Variants in RP1 observed in about 807,000 individuals in gnomAD.
RP1 encodes the protein oxygen-regulated protein 1.
Under a neutral mutation model 14.8 loss-of-function variants are expected in RP1, and 16 were observed. That is an observed-to-expected ratio of 1.08 (90% CI 0.73 to 1.65). The LOEUF (loss-of-function observed/expected upper bound fraction) is 1.65. RP1 is among the 40% of genes most tolerant of loss of function. The pLI is 0.00. For synonymous variants in RP1, 876 were observed against 883.6 expected, an observed-to-expected ratio of 0.99 and a Z score of 0.15; for missense variants, 2,631 against 2,535.0, an observed-to-expected ratio of 1.04 and a Z score of -0.81.
At chr8:54,802,438 C>T (rs576717438) in intron 24 of RP1, among the ~76,000 whole-genome samples, 2 of 151,974 alleles carry the variant, frequency 1.3e-5, no homozygotes, top group Non-Finnish European at 2.9e-5. Flanking sequence ...GAGGATAAAA[C>T]AAAACAAAAT....
At chr8:54,672,990 T>G (rs986979187) in intron 7 of RP1, among the ~76,000 whole-genome samples, 4 of 152,208 alleles carry the variant, frequency 2.6e-5, no homozygotes, top group Non-Finnish European at 5.9e-5. Flanking sequence ...TGTTATCCAT[T>G]AATTTGTACC....
At chr8:54,646,528 A>C (rs1250026736) in intron 3 of RP1, among the ~76,000 whole-genome samples, 1 of 152,170 alleles carries the variant, frequency 6.6e-6, no homozygotes, top group Admixed American at 6.6e-5. Flanking sequence ...GTAATGACCC[A>C]ATGACTTGTT....
chr8:54,604,326 A>G (rs896130362), intron 1 of RP1, among the ~76,000 whole-genome samples: 1 of 152,124 alleles, frequency 6.6e-6, no homozygotes, highest in African/African-American at 2.4e-5. Flanking sequence ...TTCTGTTTAT[A>G]TGCTGGATTA....
intron 25 of RP1, among the ~76,000 whole-genome samples, chr8:54,847,447 T>G (rs942631060): frequency 5.9e-5 from 9 of 152,184 alleles, no homozygotes; most frequent in Middle Eastern, 3.2e-3. Flanking sequence ...TCCTGATATG[T>G]TTGCCAGAAT....
At chr8:54,632,046 T>C, downstream of RP1, among the ~76,000 whole-genome samples, 1 of 152,062 alleles carries the variant, frequency 6.6e-6, no homozygotes, top group East Asian at 1.9e-4. Context: ...TTCTCCATGT[T>C]GGTTAGGCTG....
chr8:54,601,572 T>TAA (rs11399535), intron 1 of RP1, among the ~76,000 whole-genome samples: 48 of 109,990 alleles, frequency 4.4e-4, no homozygotes, highest in South Asian at 8.6e-4. Flanking sequence ...TAAAGTATAA[T>TAA]AAAAAAAAAC....
At chr8:54,775,067 T>C (rs1810000307) in intron 23 of RP1, among the ~76,000 whole-genome samples, 1 of 151,142 alleles carries the variant, frequency 6.6e-6, no homozygotes, top group Non-Finnish European at 1.5e-5. Flanking sequence ...CACCTAGTTG[T>C]GATGACAAAA....
At chr8:54,859,901 C>G (rs1349592109) in intron 27 of RP1, among the ~76,000 whole-genome samples, 1 of 152,092 alleles carries the variant, frequency 6.6e-6, no homozygotes, top group Non-Finnish European at 1.5e-5. Context: ...AGTAGAACCC[C>G]CAGACTCTTG....
At chr8:54,680,057 G>A in intron 12 of RP1, 1 of 1,254,762 alleles carries the variant, frequency 8.0e-7, no homozygotes, top group Non-Finnish European at 1.0e-6. Flanking sequence ...CAAGTGTTAG[G>A]CCATTTAAAT....
intron 16 of RP1, among the ~76,000 whole-genome samples, chr8:54,722,564 G>C (rs1020152194): frequency 3.3e-5 from 5 of 152,090 alleles, no homozygotes; most frequent in African/African-American, 1.2e-4. Context: ...ATCTACATAT[G>C]ATAGATTGAG....
chr8:54,708,343 G>A (rs1467262709), intron 15 of RP1, among the ~76,000 whole-genome samples: 1 of 146,186 alleles, frequency 6.8e-6, no homozygotes, highest in African/African-American at 2.6e-5. Context: ...TAGCTGAATG[G>A]TGATTTCTGG....
chr8:54,679,996 T>C, intron 12 of RP1: 9 of 1,488,182 alleles, frequency 6.0e-6, no homozygotes, highest in South Asian at 5.3e-5. Flanking sequence ...AAGGTAGATT[T>C]CTAGACACAG....
At chr8:54,768,072 C>G (rs1398858474) in intron 22 of RP1, among the ~76,000 whole-genome samples, 2 of 152,190 alleles carry the variant, frequency 1.3e-5, no homozygotes, top group African/African-American at 4.8e-5. Context: ...TTGTCAGATC[C>G]TTGAGTAACC....
intron 1 of RP1, among the ~76,000 whole-genome samples, chr8:54,602,118 G>T (rs1417170410): frequency 1.3e-5 from 2 of 152,178 alleles, no homozygotes; most frequent in Non-Finnish European, 2.9e-5. Context: ...CATGTGCCAT[G>T]TTGGTGTGCT....
chr8:54,603,728 T>C (rs1406080566), intron 1 of RP1, among the ~76,000 whole-genome samples: 1 of 152,214 alleles, frequency 6.6e-6, no homozygotes. Context: ...CAGTGGTTTG[T>C]AGTTCTCCTT....
chr8:54,565,900 T>C (rs896340684), intron 1 of RP1, among the ~76,000 whole-genome samples: 1 of 152,194 alleles, frequency 6.6e-6, no homozygotes, highest in Non-Finnish European at 1.5e-5. Context: ...CCTGAGGCTC[T>C]GGGGGAGACA....
chr8:54,605,470 G>A lies in RP1; in HGVS notation c.-12-15485G>A, dbSNP rs199928722. On this transcript the variant is annotated intron_variant, in intron 1 of 22. Transcript: ENST00000636932. The stretch of plus-strand genomic sequence containing the variant: ...TGCTTTACTTCCAACTATGTGGTCA[G>A]TTTTGGAATAGGTGTAGTGTGGTGC... Among the ~76,000 whole-genome samples the A allele has an allele frequency of 9.2e-5, 14 of 152,202 alleles. No homozygotes were observed. The East Asian group carries it at 2.3e-3, about 25-fold the overall frequency.
intron 24 of RP1, among the ~76,000 whole-genome samples, chr8:54,783,918 T>C (rs1209052688): frequency 1.3e-5 from 2 of 152,328 alleles, no homozygotes; most frequent in East Asian, 3.9e-4. Context: ...TTCATTTTTT[T>C]ATTTGTATAA....
intron 15 of RP1, among the ~76,000 whole-genome samples, chr8:54,707,577 A>T (rs575675954): frequency 6.6e-6 from 1 of 152,310 alleles, no homozygotes; most frequent in South Asian, 2.1e-4. Context: ...ATTATTGTTT[A>T]AAATAGTTTA....
Sources: allele counts gnomAD v4.1 joint callset (sites outside exome capture counted in the v4.1 genomes callset), GRCh38; gene constraint gnomAD v4.1.1; transcripts MANE v1.5; gene names NCBI Gene and HGNC (gene_info 2026-07-23, HGNC 2026-07-21).